ZDHHC15: variants seen among roughly 807,000 people sequenced by gnomAD.
ZDHHC15 encodes the protein zDHHC palmitoyltransferase 15.
In ZDHHC15, 19 loss-of-function variants were observed where a neutral mutation model predicts 31.7. That is an observed-to-expected ratio of 0.60 (90% CI 0.42 to 0.88). The LOEUF is 0.88. Ranked by LOEUF, ZDHHC15 falls within the 40% of genes least tolerant of loss-of-function variation. The pLI, the probability that ZDHHC15 is intolerant of heterozygous loss-of-function variation, is 0.00. For synonymous variants in ZDHHC15, 103 were observed against 90.0 expected, an observed-to-expected ratio of 1.14 and a Z score of -0.82; for missense variants, 209 against 251.2, an observed-to-expected ratio of 0.83 and a Z score of 1.14.
intron 3 of ZDHHC15, among the ~76,000 whole-genome samples, chrX:75,476,371 T>G (rs761813707): frequency 9.0e-6 from 1 of 111,274 alleles, no homozygotes; most frequent in South Asian, 3.7e-4. Context: ...TTTTGATTAC[T>G]AATTCTATAT....
At chrX:75,464,690 A>G (rs1008977888) in intron 3 of ZDHHC15, among the ~76,000 whole-genome samples, 2 of 111,798 alleles carry the variant, frequency 1.8e-5, no homozygotes, top group African/African-American at 6.5e-5. Context: ...TATCATATAA[A>G]CAGAACTAAA....
At chrX:75,417,325 C>T (rs2083560089) in intron 9 of ZDHHC15, 135 bp from the exon 10 acceptor site, 1 of 391,738 alleles carries the variant, frequency 2.6e-6, no homozygotes, top group South Asian at 4.5e-5. Context: ...GGAATGGGCT[C>T]TTACAATAGC....
intron 5 of ZDHHC15, among the ~76,000 whole-genome samples, chrX:75,430,382 A>G (rs1473327619): frequency 1.8e-5 from 2 of 112,028 alleles, no homozygotes; most frequent in Non-Finnish European, 3.8e-5. Flanking sequence ...TAAGTACTCA[A>G]GAGAAAAGGC....
chrX:75,407,495 G>A (rs2083429376), intron 10 of ZDHHC15, among the ~76,000 whole-genome samples: 1 of 109,060 alleles, frequency 9.2e-6, no homozygotes, highest in African/African-American at 3.3e-5. Context: ...CCCCGTCCGG[G>A]AGGGAGGTGG....
At chrX:75,442,022 T>C (rs1569330902) in intron 4 of ZDHHC15, among the ~76,000 whole-genome samples, 1 of 112,066 alleles carries the variant, frequency 8.9e-6, no homozygotes, top group Non-Finnish European at 1.9e-5. Flanking sequence ...GCCTCCTATA[T>C]GCCGTATTTT....
chrX:75,465,107 T>C (rs1423272023), intron 3 of ZDHHC15, among the ~76,000 whole-genome samples: 1 of 112,212 alleles, frequency 8.9e-6, no homozygotes, highest in East Asian at 2.8e-4. Context: ...TTCAGCAAGG[T>C]CTCAGGATAC....
intron 3 of ZDHHC15, among the ~76,000 whole-genome samples, chrX:75,468,948 T>C (rs1342100339): frequency 8.9e-6 from 1 of 112,205 alleles, no homozygotes; most frequent in African/African-American, 3.2e-5. Context: ...ATTCTTGATA[T>C]ATTCTGAACA....
At chrX:75,505,319 T>C (rs768089012) in intron 2 of ZDHHC15, among the ~76,000 whole-genome samples, 2 of 111,889 alleles carry the variant, frequency 1.8e-5, no homozygotes, top group African/African-American at 6.5e-5. Context: ...GCTTACACTT[T>C]TTAAATGGAA....
chrX:75,424,530 T>C, intron 8 of ZDHHC15, 122 bp downstream of exon 8: 1 of 724,792 alleles, frequency 1.4e-6, no homozygotes. Context: ...TGTCTCAGTC[T>C]GGGGGTAGAG....
chrX:75,449,201 TACACACACACACACAC>T (rs3075226), intron 4 of ZDHHC15, among the ~76,000 whole-genome samples: 257 of 76,619 alleles, frequency 3.4e-3, no homozygotes, highest in East Asian at 0.027. Flanking sequence ...TCTCTCTCTA[TACACACACACACACAC>T]ACACACACAC....
intron 10 of ZDHHC15, among the ~76,000 whole-genome samples, chrX:75,416,460 C>A (rs1252328395): frequency 8.9e-6 from 1 of 111,884 alleles, no homozygotes; most frequent in African/African-American, 3.2e-5. Flanking sequence ...GGCACAGCAA[C>A]AGGTGGAGAC....
rs2083003822 is a variant in ZDHHC15 at position 75,371,257 on chromosome X, T to A, written c.*1721A>T. Reference sequence around the variant, plus strand: ...AATGAGAGTATTTTGAGAAAGAGTGTAAGGGGAAATTTTTTTCCATCTGAA... The same window carrying A: ...AATGAGAGTATTTTGAGAAAGAGTGAAAGGGGAAATTTTTTTCCATCTGAA... On this transcript the variant is annotated 3_prime_UTR_variant, in exon 12 of 12. Transcript: ENST00000373367. 1 of 111,539 alleles carries A rather than the reference T, an allele frequency of 9.0e-6. No homozygotes were observed. The highest frequency in any genetic ancestry group is 9.5e-5 in the Admixed American group (1 of 10,509). The allele number at this position is 111,539 out of a possible 1,213,427, so 9.2% of individuals were successfully genotyped here.
At chrX:75,481,119 T>C (rs1288441820) in intron 2 of ZDHHC15, among the ~76,000 whole-genome samples, 1 of 111,302 alleles carries the variant, frequency 9.0e-6, no homozygotes, top group East Asian at 2.8e-4. Flanking sequence ...TTTTAATGTG[T>C]TATCTTTTGC....
intron 4 of ZDHHC15, among the ~76,000 whole-genome samples, chrX:75,444,164 C>G: frequency 9.0e-6 from 1 of 111,128 alleles, no homozygotes; most frequent in Non-Finnish European, 1.9e-5. Context: ...AAGACACATG[C>G]ACACGTATGT....
At chrX:75,423,942 T>C (rs1249633191) in intron 8 of ZDHHC15, among the ~76,000 whole-genome samples, 1 of 111,446 alleles carries the variant, frequency 9.0e-6, no homozygotes, top group Non-Finnish European at 1.9e-5. Flanking sequence ...TCCTCACTCC[T>C]CATGTACTGA....
chrX:75,433,464 T>C (rs776525545), intron 4 of ZDHHC15, among the ~76,000 whole-genome samples: 8 of 109,527 alleles, frequency 7.3e-5, no homozygotes, highest in Non-Finnish European at 1.3e-4. Flanking sequence ...CAGAGTACAC[T>C]ATATCATTCT....
intron 4 of ZDHHC15, among the ~76,000 whole-genome samples, chrX:75,445,327 C>G (rs1390982775): frequency 1.8e-5 from 2 of 111,479 alleles, no homozygotes; most frequent in Non-Finnish European, 3.8e-5. Context: ...AAAAAGAGCA[C>G]TGGTAATCTG....
At chrX:75,389,713 G>A (rs1032411169) in intron 10 of ZDHHC15, among the ~76,000 whole-genome samples, 11 of 111,091 alleles carry the variant, frequency 9.9e-5, no homozygotes, top group African/African-American at 3.6e-4. Flanking sequence ...AGGTAGCCAG[G>A]CGGTACTTAC....
intron 4 of ZDHHC15, among the ~76,000 whole-genome samples, chrX:75,447,695 T>A (rs1486961305): frequency 9.0e-6 from 1 of 111,105 alleles, no homozygotes; most frequent in Non-Finnish European, 1.9e-5. Context: ...CCACTCACCA[T>A]TACCCTAAGT....
Sources: allele counts gnomAD v4.1 joint callset (sites outside exome capture counted in the v4.1 genomes callset), GRCh38; gene constraint gnomAD v4.1.1; transcripts MANE v1.5; gene names NCBI Gene and HGNC (gene_info 2026-07-23, HGNC 2026-07-21).